The following TMPRSS11F variants were observed in gnomAD, a reference collection of about 807,000 sequenced individuals.
The protein encoded by TMPRSS11F is transmembrane serine protease 11F.
Under a neutral mutation model 60.2 loss-of-function variants are expected in TMPRSS11F, and 47 were observed. That is an observed-to-expected ratio of 0.78 (90% confidence interval 0.62 to 1.00). The LOEUF is 1.00. TMPRSS11F is among the 50% of genes least tolerant of loss of function. TMPRSS11F has a pLI of 0.00. For missense variants in TMPRSS11F, 519 were observed against 522.9 expected, an observed-to-expected ratio of 0.99 and a Z score of 0.07; for synonymous variants, 166 against 167.3, an observed-to-expected ratio of 0.99 and a Z score of 0.06.
intron 3 of TMPRSS11F, among the ~76,000 whole-genome samples, chr4:68,090,226 A>G (rs903023585): frequency 4.6e-5 from 7 of 152,042 alleles, no homozygotes; most frequent in Non-Finnish European, 1.0e-4. Flanking sequence ...GAATAAAGAA[A>G]ATGAATCGAA....
At chr4:68,084,860 A>T (rs1227420489) in intron 3 of TMPRSS11F, among the ~76,000 whole-genome samples, 8 of 135,248 alleles carry the variant, frequency 5.9e-5, no homozygotes, top group Non-Finnish European at 1.1e-4. Context: ...CATTAGGTAT[A>T]TCTCCCAATG....
intron 1 of TMPRSS11F, among the ~76,000 whole-genome samples, chr4:68,112,269 C>G (rs1724422170): frequency 6.6e-6 from 1 of 152,122 alleles, no homozygotes; most frequent in African/African-American, 2.4e-5. Flanking sequence ...TGATCGTGCT[C>G]AAGCTGTGGG....
chr4:68,104,261 T>A (rs1341304435), intron 1 of TMPRSS11F, among the ~76,000 whole-genome samples: 1 of 152,152 alleles, frequency 6.6e-6, no homozygotes, highest in East Asian at 1.9e-4. Context: ...ATTACGATAT[T>A]GGTTGTAGGT....
At chr4:68,080,878 T>C (rs994859502) in intron 3 of TMPRSS11F, 3 of 152,244 alleles carry the variant, frequency 2.0e-5, no homozygotes, top group Non-Finnish European at 4.4e-5. Context: ...GTCTATTCTT[T>C]GGAAGTTCTG....
intron 3 of TMPRSS11F, among the ~76,000 whole-genome samples, chr4:68,089,101 C>T (rs1723875592): frequency 6.6e-6 from 1 of 151,904 alleles, no homozygotes; most frequent in Admixed American, 6.6e-5. Context: ...ATCACCAAAG[C>T]AATCCTAAGC....
At chr4:68,084,347 A>ATCCTCAAGGCATACAG (rs1723764321) in intron 3 of TMPRSS11F, among the ~76,000 whole-genome samples, 1 of 152,192 alleles carries the variant, frequency 6.6e-6, no homozygotes, top group Non-Finnish European at 1.5e-5. Context: ...TAAGACAACA[A>ATCCTCAAGGCATACAG]TCCTCAAGGC....
chr4:68,057,025 C>T lies in TMPRSS11F; in HGVS notation c.1158+2301G>A, dbSNP rs1399438019. ...TTAGGCTGGGCGTGGTGGCTCATGC[C>T]TGTAATCCCAGCACTTTGGGAGGCT... On this transcript the variant is annotated intron_variant, in intron 9 of 9. Coordinates refer to ENST00000356291, the MANE Select transcript of TMPRSS11F (RefSeq NM_207407.2). 2.6e-5 allele frequency among the ~76,000 whole-genome samples: 4 copies of T among 152,154 alleles called. No homozygotes were observed. In the East Asian group the frequency reaches 5.8e-4, roughly 22 times the overall value.
At chr4:68,114,436 A>C (rs1480685636) in intron 1 of TMPRSS11F, among the ~76,000 whole-genome samples, 1 of 152,112 alleles carries the variant, frequency 6.6e-6, no homozygotes, top group Admixed American at 6.5e-5. Flanking sequence ...GCTATGAATA[A>C]CATTATGCCA....
At chr4:68,122,999 A>G (rs1032611675) in intron 1 of TMPRSS11F, among the ~76,000 whole-genome samples, 12 of 152,322 alleles carry the variant, frequency 7.9e-5, no homozygotes, top group African/African-American at 2.6e-4. Flanking sequence ...CTGCAAGTCT[A>G]TCTTAGCCAT....
intron 8 of TMPRSS11F, among the ~76,000 whole-genome samples, chr4:68,060,854 G>T (rs1430274809): frequency 2.0e-5 from 3 of 151,576 alleles, no homozygotes; most frequent in Admixed American, 6.6e-5. Context: ...AGGCCTTTCA[G>T]TATATCCAAG....
chr4:68,108,374 C>A (rs1360226888), intron 1 of TMPRSS11F, among the ~76,000 whole-genome samples: 2 of 152,114 alleles, frequency 1.3e-5, no homozygotes, highest in Non-Finnish European at 2.9e-5. Context: ...AGACTTAAAG[C>A]AAAGATGTTC....
chr4:68,099,881 G>A (rs1338826379), intron 1 of TMPRSS11F, among the ~76,000 whole-genome samples: 10 of 152,204 alleles, frequency 6.6e-5, no homozygotes, highest in African/African-American at 2.4e-4. Context: ...ACTTTAAAAG[G>A]GGAAACAGAC....
intron 1 of TMPRSS11F, among the ~76,000 whole-genome samples, chr4:68,115,683 G>A (rs573389695): frequency 4.6e-5 from 7 of 152,188 alleles, no homozygotes; most frequent in African/African-American, 1.7e-4. Flanking sequence ...CAGAGTGAAA[G>A]GTCATACATA....
At chr4:68,124,513 A>C (rs1207977088) in intron 1 of TMPRSS11F, among the ~76,000 whole-genome samples, 1 of 152,194 alleles carries the variant, frequency 6.6e-6, no homozygotes, top group East Asian at 1.9e-4. Flanking sequence ...TTCAGCCTTA[A>C]AGAAAAAGAT....
intron 1 of TMPRSS11F, among the ~76,000 whole-genome samples, chr4:68,100,994 C>T (rs978273396): frequency 6.6e-6 from 1 of 152,052 alleles, no homozygotes; most frequent in Non-Finnish European, 1.5e-5. Context: ...CATTCCTTTT[C>T]CCCCTTAGTT....
intron 1 of TMPRSS11F, among the ~76,000 whole-genome samples, chr4:68,104,228 A>G (rs1036104539): frequency 4.6e-5 from 7 of 152,148 alleles, no homozygotes; most frequent in African/African-American, 1.4e-4. Flanking sequence ...GTTGGTGGAA[A>G]TGCATTCAGT....
At chr4:68,100,947 G>C (rs1336878071) in intron 1 of TMPRSS11F, among the ~76,000 whole-genome samples, 1 of 152,114 alleles carries the variant, frequency 6.6e-6, no homozygotes, top group Non-Finnish European at 1.5e-5. Context: ...TATGTAGCTT[G>C]TGAATATTAT....
At chr4:68,090,684 A>G (rs760535627) in intron 2 of TMPRSS11F, 43 bp from the exon 3 acceptor site, 38 of 1,565,352 alleles carry the variant, frequency 2.4e-5, no homozygotes, top group Non-Finnish European at 3.0e-5. Flanking sequence ...TAAAGGTAAT[A>G]AGTTGTTTTG....
At position 68,087,999 on chromosome 4, in the gene TMPRSS11F, T is replaced by C. The variant is rs1723850454; in HGVS notation, c.282+2524A>G. Among the ~76,000 whole-genome samples the C allele has an allele frequency of 2.6e-5, 4 of 151,686 alleles. No homozygotes were observed. The South Asian group carries it at 6.3e-4, about 24-fold the overall frequency. ...GTTTTTTGTTCTTGCGATAGTTTAC[T>C]GAGAATGATGATTTCCAATTTCATC... On this transcript the variant is annotated intron_variant, in intron 3 of 9. Coordinates refer to ENST00000356291, the MANE Select transcript of TMPRSS11F (RefSeq NM_207407.2).
Sources: gnomAD v4.1 joint callset for allele counts (sites outside exome capture counted in the v4.1 genomes callset) on GRCh38, gnomAD v4.1.1 for gene constraint, MANE v1.5 for transcripts, NCBI Gene and HGNC (gene_info 2026-07-23, HGNC 2026-07-21) for gene names.